ANO6: variants seen among roughly 807,000 people sequenced by gnomAD.
ANO6 encodes anoctamin-6.
In ANO6, 106 loss-of-function variants were observed where a neutral mutation model predicts 117.5. The observed-to-expected ratio is 0.90, with a 90% CI of 0.77 to 1.06. ANO6 has a LOEUF of 1.06. Ranked by LOEUF, ANO6 falls within the 50% of genes least tolerant of loss-of-function variation. The pLI is 0.00. For missense variants in ANO6, 955 were observed against 1,121.1 expected, an observed-to-expected ratio of 0.85 and a Z score of 2.12; for synonymous variants, 367 against 385.1, an observed-to-expected ratio of 0.95 and a Z score of 0.55.
chr12:45,347,880 C>A, intron 4 of ANO6, 148 bp from the exon 5 acceptor site: 1 of 761,056 alleles, frequency 1.3e-6, no homozygotes, highest in Non-Finnish European at 2.1e-6. Flanking sequence ...TGATGGTTTG[C>A]AAATCTGTTT....
At chr12:45,423,690 A>G (rs1943422915) in intron 19 of ANO6, among the ~76,000 whole-genome samples, 1 of 152,218 alleles carries the variant, frequency 6.6e-6, no homozygotes, top group African/African-American at 2.4e-5. Context: ...AATCAATACC[A>G]GTTCACTGAT....
At chr12:45,218,682 A>T (rs1170021797) in intron 1 of ANO6, among the ~76,000 whole-genome samples, 6 of 152,190 alleles carry the variant, frequency 3.9e-5, no homozygotes, top group African/African-American at 1.2e-4. Context: ...AAAGATTACC[A>T]GGAGTAGGCT....
intron 8 of ANO6, among the ~76,000 whole-genome samples, chr12:45,358,351 A>C (rs1165284864): frequency 6.6e-6 from 1 of 152,230 alleles, no homozygotes; most frequent in Non-Finnish European, 1.5e-5. Context: ...TGAAAGCTGC[A>C]GATGGCTTTT....
chr12:45,355,157 T>C (rs1422673368), intron 7 of ANO6, among the ~76,000 whole-genome samples: 1 of 152,228 alleles, frequency 6.6e-6, no homozygotes, highest in Admixed American at 6.5e-5. Context: ...TGTATACTTG[T>C]AACTTTGATT....
intron 1 of ANO6, among the ~76,000 whole-genome samples, chr12:45,236,247 A>T (rs960755319): frequency 2.6e-5 from 4 of 152,036 alleles, no homozygotes; most frequent in East Asian, 1.9e-4. Flanking sequence ...TATTATTATT[A>T]TTTTTTTAAG....
chr12:45,299,999 T>A (rs1450487084), intron 1 of ANO6, among the ~76,000 whole-genome samples: 5 of 152,212 alleles, frequency 3.3e-5, no homozygotes, highest in Non-Finnish European at 7.3e-5. Context: ...AGAGATCTCT[T>A]ATGATTCTGC....
intron 16 of ANO6, among the ~76,000 whole-genome samples, chr12:45,411,699 C>T (rs1943090268): frequency 6.6e-6 from 1 of 152,178 alleles, no homozygotes; most frequent in Non-Finnish European, 1.5e-5. Context: ...CTTGCTTGGC[C>T]TTGCACCCAG....
intron 1 of ANO6, among the ~76,000 whole-genome samples, chr12:45,295,502 C>T (rs954692692): frequency 1.3e-5 from 2 of 152,100 alleles, no homozygotes; most frequent in African/African-American, 2.4e-5. Context: ...CATGAAGCGA[C>T]GGGAAATGGT....
At chr12:45,380,806 C>G (rs1321457039) in intron 10 of ANO6, among the ~76,000 whole-genome samples, 2 of 152,096 alleles carry the variant, frequency 1.3e-5, no homozygotes, top group African/African-American at 2.4e-5. Flanking sequence ...AACCTCGCCT[C>G]TACTAAAATA....
Position 45,226,984 on chromosome 12 carries a change from CTT to C in ANO6, c.70+10613_70+10614del, listed in dbSNP as rs906373347. The stretch of plus-strand genomic sequence containing the variant: ...AAAAATTAACAAAAATTATCATTTT[CTT>C]TTTTTTTTTTTTTTTTTTTGAAGAT... On this transcript the variant is annotated intron_variant, in intron 1 of 19. Transcript: ENST00000320560. Among the ~76,000 whole-genome samples the C allele has an allele frequency of 5.8e-3, 655 of 112,718 alleles. 4 individuals carry two copies. The highest frequency in any genetic ancestry group is 0.021 in the African/African-American group (620 of 29,108). The allele number at this position is 112,718 out of a possible 152,430, so 73.9% of individuals were successfully genotyped here.
chr12:45,218,473 C>A (rs1375302715), intron 1 of ANO6, among the ~76,000 whole-genome samples: 2 of 140,554 alleles, frequency 1.4e-5, no homozygotes, highest in East Asian at 4.4e-4. Context: ...TGGCTTATTA[C>A]AGCCTCGACC....
intron 3 of ANO6, among the ~76,000 whole-genome samples, chr12:45,345,277 A>G (rs978715894): frequency 6.6e-6 from 1 of 152,230 alleles, no homozygotes; most frequent in African/African-American, 2.4e-5. Flanking sequence ...GTAGCCAAAT[A>G]CCAGGTATAT....
intron 1 of ANO6, among the ~76,000 whole-genome samples, chr12:45,291,092 A>G (rs989113283): frequency 2.0e-5 from 3 of 152,214 alleles, no homozygotes; most frequent in Non-Finnish European, 2.9e-5. Context: ...TCCACATGCG[A>G]AAAGAGCAAC....
intron 1 of ANO6, among the ~76,000 whole-genome samples, chr12:45,234,193 ACTC>A (rs1367917785): frequency 1.3e-5 from 2 of 151,894 alleles, no homozygotes; most frequent in Non-Finnish European, 2.9e-5. Context: ...AGGAAAATTC[ACTC>A]CTATCTCATT....
intron 17 of ANO6, among the ~76,000 whole-genome samples, 183 bp from the exon 18 acceptor site, chr12:45,420,888 G>A (rs1267372537): frequency 6.6e-6 from 1 of 152,122 alleles, no homozygotes; most frequent in Non-Finnish European, 1.5e-5. Context: ...AGCCAGGCGT[G>A]GTGGCACGTG....
intron 12 of ANO6, among the ~76,000 whole-genome samples, chr12:45,399,536 T>G (rs1453526350): frequency 6.6e-6 from 1 of 152,076 alleles, no homozygotes; most frequent in East Asian, 1.9e-4. Flanking sequence ...TGGGTGAAGC[T>G]TCTCTTTCCC....
At chr12:45,249,364 AATT>A (rs1251966250) in intron 1 of ANO6, among the ~76,000 whole-genome samples, 4 of 152,190 alleles carry the variant, frequency 2.6e-5, no homozygotes, top group African/African-American at 9.7e-5. Context: ...CATCTTGAGT[AATT>A]ATTCTGAGGT....
chr12:45,321,368 A>G (rs1485821416), intron 2 of ANO6, among the ~76,000 whole-genome samples: 1 of 152,170 alleles, frequency 6.6e-6, no homozygotes, highest in East Asian at 1.9e-4. Flanking sequence ...TTACCCAAGC[A>G]TGATTTTTGC....
Position 45,350,725 on chromosome 12 carries a change from T to G in ANO6, c.814T>G (p.Trp272Gly). The change falls in exon 7 of 20, where the codon TGG becomes GGG. Residue 272 changes from tryptophan to glycine, a missense_variant. Coordinates refer to ENST00000320560, the MANE Select transcript of ANO6 (RefSeq NM_001025356.3). ...PNERYLLYRE[W>G]AHPRSIYKKQ... ...TGAACGGTACCTTCTGTACAGAGAA[T>G]GGGCTCATCCTCGAAGCATATACAA... is the stretch of plus-strand genomic sequence containing the variant. 6.2e-7 allele frequency: 1 copy of G among 1,613,838 alleles called. No homozygotes were observed.
Sources: allele counts gnomAD v4.1 joint callset (sites outside exome capture counted in the v4.1 genomes callset), GRCh38; gene constraint gnomAD v4.1.1; transcripts MANE v1.5; gene names NCBI Gene and HGNC (gene_info 2026-07-23, HGNC 2026-07-21).